ZNF322: variants seen among roughly 807,000 people sequenced by gnomAD.
The protein encoded by ZNF322 is zinc finger protein 322, also known as HLA complex group 12.
Under a neutral mutation model 18.3 loss-of-function variants are expected in ZNF322, and 1 was observed. The observed-to-expected ratio is 0.05, with a 90% CI of 0.02 to 0.26. The LOEUF is 0.26. Ranked by LOEUF, ZNF322 falls within the 10% of genes least tolerant of loss-of-function variation. ZNF322 has a pLI of 1.00. For missense variants in ZNF322, 36 were observed against 403.6 expected (o/e 0.09, Z 7.80); for synonymous variants, 17 against 130.7 (o/e 0.13, Z 5.93).
chr6:26,654,440 G>A (rs1404423760), intron 2 of ZNF322, among the ~76,000 whole-genome samples: 2 of 150,962 alleles, frequency 1.3e-5, no homozygotes, highest in East Asian at 2.2e-4. Flanking sequence ...CTGTTTCCAC[G>A]GTTTGGAAAG....
intron 3 of ZNF322, among the ~76,000 whole-genome samples, chr6:26,639,106 A>T (rs1765421294): frequency 6.6e-6 from 1 of 152,172 alleles, no homozygotes; most frequent in South Asian, 2.1e-4. Flanking sequence ...GCTTGGAAGA[A>T]AGTAGTTAAT....
At chr6:26,652,063 A>G (rs1308290428) in intron 2 of ZNF322, among the ~76,000 whole-genome samples, 1 of 152,156 alleles carries the variant, frequency 6.6e-6, no homozygotes, top group African/African-American at 2.4e-5. Context: ...TGAACTCCTG[A>G]GCTCAACTGA....
At chr6:26,640,658 C>T (rs6936555) in intron 3 of ZNF322, among the ~76,000 whole-genome samples, 28,285 of 151,976 alleles carry the variant, frequency 0.19, 2,700 homozygotes, top group African/African-American at 0.21. Flanking sequence ...AATGTAAGCC[C>T]CTAAAAGACA....
At position 26,649,699 on chromosome 6, in the gene ZNF322, A is replaced by AT. The variant is rs1561924977; in HGVS notation, c.-245-5972dup. On this transcript the variant is annotated intron_variant, in intron 2 of 3. Transcript: ENST00000415922. ...TGTATATATATATATATATATATAT[A>AT]TATTTTTTTTTTTTTTTTTTTGAGA... Among the ~76,000 whole-genome samples the AT allele has an allele frequency of 4.4e-3, 294 of 66,596 alleles. 24 individuals are homozygous for AT. The highest frequency in any genetic ancestry group is 5.1e-3 in the Non-Finnish European group (201 of 39,096). 43.7% of individuals were successfully genotyped at this position (66,596 alleles called of 152,430 possible).
At chr6:26,648,106 C>A (rs2504600) in intron 2 of ZNF322, among the ~76,000 whole-genome samples, 69,193 of 151,790 alleles carry the variant, frequency 0.46, 16,122 homozygotes, top group East Asian at 0.67. Context: ...AAATAATATA[C>A]CATGACCAAG....
chr6:26,645,179 A>G (rs565912446), intron 2 of ZNF322, among the ~76,000 whole-genome samples: 2 of 152,392 alleles, frequency 1.3e-5, no homozygotes, highest in South Asian at 4.1e-4. Context: ...TGTGGTAATA[A>G]AACACAGTCA....
At chr6:26,641,775 T>C (rs192811832) in intron 3 of ZNF322, among the ~76,000 whole-genome samples, 3 of 152,294 alleles carry the variant, frequency 2.0e-5, no homozygotes, top group African/African-American at 4.8e-5. Context: ...AGGGACACAA[T>C]GCACTGTGGA....
At chr6:26,639,931 A>G (rs1261218182) in intron 3 of ZNF322, among the ~76,000 whole-genome samples, 2 of 152,200 alleles carry the variant, frequency 1.3e-5, no homozygotes, top group Non-Finnish European at 2.9e-5. Context: ...TTCAGCTACC[A>G]GGGATGACAA....
intron 2 of ZNF322, among the ~76,000 whole-genome samples, chr6:26,655,580 G>T (rs1397286588): frequency 6.6e-6 from 1 of 152,082 alleles, no homozygotes; most frequent in Non-Finnish European, 1.5e-5. Flanking sequence ...AATGGCTCAG[G>T]GAAAAATCTA....
At chr6:26,641,109 T>C (rs1417103965) in intron 3 of ZNF322, among the ~76,000 whole-genome samples, 1 of 152,196 alleles carries the variant, frequency 6.6e-6, no homozygotes, top group Non-Finnish European at 1.5e-5. Context: ...TTAACAACAG[T>C]TTTCTAATTT....
intron 3 of ZNF322, among the ~76,000 whole-genome samples, chr6:26,640,958 T>C (rs1765456919): frequency 6.6e-6 from 1 of 152,178 alleles, no homozygotes; most frequent in South Asian, 2.1e-4. Flanking sequence ...TACAGCAAAT[T>C]AGTAAGTGTA....
chr6:26,639,959 A>C lies in ZNF322; in HGVS notation c.-175-1231T>G, dbSNP rs565070978. Among the ~76,000 whole-genome samples, 15 of 152,270 alleles carry C rather than the reference A, an allele frequency of 9.9e-5. No individual in the cohort carries two copies. The South Asian group carries it at 3.1e-3, about 32-fold the overall frequency. On this transcript the variant is annotated intron_variant, in intron 3 of 3. Coordinates refer to ENST00000415922, the MANE Select transcript of ZNF322 (RefSeq NM_024639.5). ...GATGACAAACTTCCTTGCTCAATCT[A>C]AGGATAGCCTTTCCATCTGTATACC... is the stretch of plus-strand genomic sequence containing the variant.
At chr6:26,647,834 A>C (rs1765583015) in intron 2 of ZNF322, among the ~76,000 whole-genome samples, 1 of 151,986 alleles carries the variant, frequency 6.6e-6, no homozygotes, top group Non-Finnish European at 1.5e-5. Context: ...TGGTAACTAA[A>C]CCTGATGAAG....
chr6:26,652,330 C>T (rs1290362972), intron 2 of ZNF322, among the ~76,000 whole-genome samples: 4 of 152,102 alleles, frequency 2.6e-5, no homozygotes, highest in Non-Finnish European at 5.9e-5. Flanking sequence ...TTAAAAATCT[C>T]CAAAATATAC....
chr6:26,640,147 T>A (rs1383175128), intron 3 of ZNF322, among the ~76,000 whole-genome samples: 1 of 152,292 alleles, frequency 6.6e-6, no homozygotes, highest in East Asian at 1.9e-4. Flanking sequence ...CAGGCTGTTG[T>A]CCCATTTCTC....
chr6:26,648,844 A>T (rs782556786), intron 2 of ZNF322, among the ~76,000 whole-genome samples: 2 of 152,254 alleles, frequency 1.3e-5, no homozygotes, highest in Non-Finnish European at 2.9e-5. Flanking sequence ...AACATTATGA[A>T]GATGTTCCCT....
chr6:26,657,266 T>A (rs1765796281), intron 2 of ZNF322, among the ~76,000 whole-genome samples: 1 of 150,754 alleles, frequency 6.6e-6, no homozygotes, highest in African/African-American at 2.4e-5. Context: ...AAAAAAAAAA[T>A]CACGACACTT....
chr6:26,647,651 T>C (rs1304239317), intron 2 of ZNF322, among the ~76,000 whole-genome samples: 3 of 152,146 alleles, frequency 2.0e-5, no homozygotes, highest in African/African-American at 4.8e-5. Context: ...AGAGAATAAA[T>C]AGAAAAAGTT....
chr6:26,651,440 G>C (rs187860905), intron 2 of ZNF322: 1 of 152,236 alleles, frequency 6.6e-6, no homozygotes, highest in Non-Finnish European at 1.5e-5. Context: ...CTGAGACATA[G>C]CAGGGTTGGG....
Sources: gnomAD v4.1 joint callset for allele counts (sites outside exome capture counted in the v4.1 genomes callset) on GRCh38, gnomAD v4.1.1 for gene constraint, MANE v1.5 for transcripts, NCBI Gene and HGNC (gene_info 2026-07-23, HGNC 2026-07-21) for gene names.